The following OSBPL1A variants were observed in gnomAD, a reference collection of about 807,000 sequenced individuals.
OSBPL1A encodes oxysterol binding protein like 1A.
A neutral mutation model predicts 137.1 loss-of-function variants in OSBPL1A; 80 were observed. The ratio of observed to expected loss-of-function variants is 0.58; its 90% CI spans 0.49 to 0.70. The LOEUF (loss-of-function observed/expected upper bound fraction) is 0.70. Ranked by LOEUF, OSBPL1A falls within the 30% of genes least tolerant of loss-of-function variation. The probability of loss-of-function intolerance (pLI) is 0.00; values close to 1 mark genes in which losing one functional copy is unlikely to be tolerated. For synonymous variants in OSBPL1A, 365 were observed against 389.7 expected, an observed-to-expected ratio of 0.94 and a Z score of 0.75; for missense variants, 970 against 1,129.4, an observed-to-expected ratio of 0.86 and a Z score of 2.02.
chr18:24,346,893 C>G (rs999714085), intron 4 of OSBPL1A, among the ~76,000 whole-genome samples: 2 of 148,724 alleles, frequency 1.3e-5, no homozygotes, highest in African/African-American at 5.0e-5. Flanking sequence ...CAGGCACATG[C>G]CACTGTGCCT....
rs1245619028 is a variant in OSBPL1A, at chr18:24,379,592, A to G, written c.-2-2057T>C. On this transcript the variant is annotated intron_variant, in intron 1 of 27. Transcript: ENST00000319481. ...ATTGAAACGAAGTTCTAAAAAAAGA[A>G]AACAGAGAGACAGAGAAAATAAAGA... is the stretch of plus-strand genomic sequence containing the variant. Among the ~76,000 whole-genome samples the G allele has an allele frequency of 2.0e-5, 3 of 151,996 alleles. No homozygotes were observed. The East Asian group carries it at 5.8e-4, about 29-fold the overall frequency.
chr18:24,368,445 A>G, intron 2 of OSBPL1A, 73 bp from the exon 3 acceptor site: 1 of 1,095,926 alleles, frequency 9.1e-7, no homozygotes, highest in Middle Eastern at 2.4e-4. Context: ...ACTTCTCCAT[A>G]ACAAGCTACC....
intron 1 of OSBPL1A, among the ~76,000 whole-genome samples, chr18:24,393,247 G>A (rs913312713): frequency 6.6e-6 from 1 of 152,296 alleles, no homozygotes; most frequent in South Asian, 2.1e-4. Flanking sequence ...ACTGACATTT[G>A]TGATGACATA....
intron 7 of OSBPL1A, among the ~76,000 whole-genome samples, chr18:24,325,632 G>A (rs538476982): frequency 1.3e-5 from 2 of 152,134 alleles, no homozygotes; most frequent in Non-Finnish European, 2.9e-5. Context: ...TGGCCTGACA[G>A]CACATATGCA....
At chr18:24,313,219 G>A (rs2090657459) in intron 12 of OSBPL1A, among the ~76,000 whole-genome samples, 1 of 151,286 alleles carries the variant, frequency 6.6e-6, no homozygotes, top group Admixed American at 6.6e-5. Context: ...GAGGTGGGCG[G>A]ATCACAAGGT....
At chr18:24,311,487 G>T (rs1455274998) in intron 13 of OSBPL1A, 1 of 986,048 alleles carries the variant, frequency 1.0e-6, no homozygotes, top group African/African-American at 1.7e-5. Context: ...TAAGGCACTG[G>T]TGTCACTTCA....
chr18:24,275,410 C>T (rs540041463), intron 15 of OSBPL1A, among the ~76,000 whole-genome samples: 17 of 152,232 alleles, frequency 1.1e-4, no homozygotes, highest in Middle Eastern at 3.4e-3. Context: ...GAATTCTGCT[C>T]AGAGTGGAAG....
intron 18 of OSBPL1A, among the ~76,000 whole-genome samples, chr18:24,187,160 G>A (rs2086770688): frequency 6.6e-6 from 1 of 152,100 alleles, no homozygotes; most frequent in African/African-American, 2.4e-5. Flanking sequence ...CTACTTCTTG[G>A]GTAAGGTTGC....
At chr18:24,378,978 C>T (rs1906389319) in intron 1 of OSBPL1A, among the ~76,000 whole-genome samples, 1 of 151,914 alleles carries the variant, frequency 6.6e-6, no homozygotes, top group Admixed American at 6.6e-5. Flanking sequence ...CAAAACCAAA[C>T]AGGGAAGAAA....
chr18:24,389,510 GC>G (rs1907177558), intron 1 of OSBPL1A, among the ~76,000 whole-genome samples: 1 of 152,064 alleles, frequency 6.6e-6, no homozygotes, highest in South Asian at 2.1e-4. Context: ...AAGTTCTATG[GC>G]CCCAACAGTT....
chr18:24,255,945 C>A (rs910168284), intron 15 of OSBPL1A, among the ~76,000 whole-genome samples: 2 of 152,060 alleles, frequency 1.3e-5, no homozygotes, highest in Non-Finnish European at 1.5e-5. Flanking sequence ...CAGGCGTGCG[C>A]CACCACACCT....
intron 15 of OSBPL1A, among the ~76,000 whole-genome samples, chr18:24,274,990 G>A (rs1176441946): frequency 1.3e-5 from 2 of 152,134 alleles, no homozygotes; most frequent in African/African-American, 4.8e-5. Flanking sequence ...CACTGTGGAA[G>A]CCACAGCGCA....
At chr18:24,278,082 A>C (rs1033828922) in intron 15 of OSBPL1A, among the ~76,000 whole-genome samples, 7 of 152,302 alleles carry the variant, frequency 4.6e-5, no homozygotes, top group African/African-American at 1.7e-4. Context: ...ACAGTTGGAG[A>C]AAAGTTAGAG....
intron 15 of OSBPL1A, 88 bp from the exon 16 acceptor site, chr18:24,239,470 T>A: frequency 1.6e-6 from 2 of 1,248,686 alleles, no homozygotes; most frequent in Non-Finnish European, 2.2e-6. Flanking sequence ...TTGCTTTTGA[T>A]CCAGTTCAAC....
chr18:24,316,822 G>A (rs1446753348), intron 11 of OSBPL1A, among the ~76,000 whole-genome samples: 1 of 151,988 alleles, frequency 6.6e-6, no homozygotes, highest in Non-Finnish European at 1.5e-5. Flanking sequence ...AACAATAATA[G>A]CAAAATACAC....
chr18:24,337,388 A>ACATAG (rs2091193310), intron 5 of OSBPL1A, among the ~76,000 whole-genome samples: 1 of 150,952 alleles, frequency 6.6e-6, no homozygotes, highest in South Asian at 2.1e-4. Context: ...ACATAACATA[A>ACATAG]CATAACATAA....
At chr18:24,195,907 G>GT (rs35336280) in intron 18 of OSBPL1A, 26,640 of 384,498 alleles carry the variant, frequency 0.069, 5 homozygotes, top group South Asian at 0.11. Flanking sequence ...GTTTCTGTTT[G>GT]TTTTTTTTTT....
chr18:24,165,597 C>T lies in OSBPL1A; in HGVS notation c.2660-442G>A, dbSNP rs138355355. On this transcript the variant is annotated intron_variant, in intron 26 of 27. Coordinates refer to ENST00000319481, the MANE Select transcript of OSBPL1A (RefSeq NM_080597.4). Reference sequence around the variant, plus strand: ...GTGTCTCACTTTTTCTCCACTGTGGCACTATAACATGTTAGATGTGCTGGC... The same window carrying T: ...GTGTCTCACTTTTTCTCCACTGTGGTACTATAACATGTTAGATGTGCTGGC... Among the ~76,000 whole-genome samples, 97 of 152,302 alleles carry T rather than the reference C, an allele frequency of 6.4e-4. 1 individual carries two copies. Among genetic ancestry groups the T allele is most frequent in the African/African-American group, 2.3e-3 (95 of 41,562 alleles).
intron 22 of OSBPL1A, 119 bp from the exon 23 acceptor site, chr18:24,171,617 G>C: frequency 1.3e-6 from 1 of 747,108 alleles, no homozygotes; most frequent in Non-Finnish European, 2.3e-6. Flanking sequence ...TGTGTGCCAG[G>C]CTCCATACTA....
Sources: allele counts gnomAD v4.1 joint callset (sites outside exome capture counted in the v4.1 genomes callset), GRCh38; gene constraint gnomAD v4.1.1; transcripts MANE v1.5; gene names NCBI Gene and HGNC (gene_info 2026-07-23, HGNC 2026-07-21).